The following NETO1 variants were observed in gnomAD, a reference collection of about 807,000 sequenced individuals.
NETO1 encodes neuropilin and tolloid like 1, also known as neuropilin and tolloid-like protein 1.
Under a neutral mutation model 61.3 loss-of-function variants are expected in NETO1, and 26 were observed. The observed-to-expected ratio is 0.42, with a 90% CI of 0.31 to 0.59. The LOEUF is 0.59. Ranked by LOEUF, NETO1 falls within the 20% of genes least tolerant of loss-of-function variation. NETO1 has a pLI of 0.12. For synonymous variants in NETO1, 225 were observed against 225.8 expected (o/e 1.00, Z 0.03); for missense variants, 531 against 662.8 (o/e 0.80, Z 2.18).
downstream of NETO1, among the ~76,000 whole-genome samples, chr18:72,743,423 T>C (rs988683172): frequency 2.6e-5 from 4 of 152,210 alleles, no homozygotes; most frequent in Non-Finnish European, 5.9e-5. Context: ...ACAAACTTCT[T>C]CATTATAAAG....
chr18:72,759,119 C>T lies in NETO1; in HGVS notation c.869-2972G>A, dbSNP rs565230674. On this transcript the variant is annotated intron_variant, in intron 7 of 10. Transcript: ENST00000327305. ...GCTCTTTCGACGACTTGCGTGCACT[C>T]GGTGCACCAATGTGTGTAGCCCATT... Among the ~76,000 whole-genome samples, 5 of 152,242 alleles carry T rather than the reference C, an allele frequency of 3.3e-5. No individual in the cohort carries two copies. In the South Asian group the frequency reaches 1.0e-3, roughly 32 times the overall value.
chr18:72,750,457 T>C lies in NETO1; in HGVS notation c.1146A>G (p.Thr382=), dbSNP rs1424173642. ...GAGGTTCAAATACCTCCTGGAAAAC[T>C]GTCTGGTCAAAGTCTGATTTCCTTT... is the stretch of plus-strand genomic sequence containing the variant. The part of the protein sequence containing the change: ...YVQRKSDFDQ[T]VFQEVFEPPH... The change falls in exon 9 of 11, where the codon ACA becomes ACG. Residue 382 remains threonine, a synonymous_variant. Coordinates refer to ENST00000327305, the MANE Select transcript of NETO1 (RefSeq NM_138966.5). 9.3e-6 allele frequency: 15 copies of C among 1,614,020 alleles called. No individual in the cohort carries two copies. Among genetic ancestry groups the C allele is most frequent in the Non-Finnish European group, 1.2e-5 (14 of 1,180,012 alleles).
chr18:72,848,088 C>T (rs2074142807), intron 4 of NETO1, among the ~76,000 whole-genome samples: 1 of 152,182 alleles, frequency 6.6e-6, no homozygotes, highest in African/African-American at 2.4e-5. Context: ...ATATTGAAGG[C>T]TGCCTATATT....
chr18:72,756,298 C>T lies in NETO1; in HGVS notation c.869-151G>A, dbSNP rs1047511006. ...GCCGTGCGATTTTCAGAAACGGTGC[C>T]GTAGTGGTAATTATTTCTTGTGTTA... On this transcript the variant is annotated intron_variant, in intron 7 of 10. Transcript: ENST00000327305. 4.8e-5 allele frequency: 25 copies of T among 525,620 alleles called. 1 individual carries two copies. The highest frequency in any genetic ancestry group is 5.1e-4 in the Middle Eastern group (1 of 1,966). 32.6% of individuals were successfully genotyped at this position (525,620 alleles called of 1,614,324 possible). A position where few individuals can be genotyped will look rare whatever the true frequency, so the allele number is the denominator to read the frequency against.
chr18:72,814,562 C>A (rs9960050), intron 4 of NETO1, among the ~76,000 whole-genome samples: 129,265 of 152,014 alleles, frequency 0.85, 57,503 homozygotes, highest in Non-Finnish European at 0.99. Context: ...TAAACACAAT[C>A]TTAAGTAACA....
At position 72,750,257 on chromosome 18, in the gene NETO1, G is replaced by A. The variant is rs2070550312; in HGVS notation, c.1346C>T (p.Thr449Ile). The change falls in exon 9 of 11, where the codon ACA (threonine) becomes ATA (isoleucine). Residue 449 changes from threonine to isoleucine, a missense_variant. Physicochemically the swap from Thr to Ile is moderately conservative, Grantham distance 89. Transcript: ENST00000327305. ...STKGSRSNLS[T>I]RDASILTEMP... ...CTCTGTCAAGATAGAAGCATCTCTTGTGCTGAGGTTACTGCGGCTGCCTTT... is the reference window on the plus strand; with the variant it reads ...CTCTGTCAAGATAGAAGCATCTCTTATGCTGAGGTTACTGCGGCTGCCTTT... 1 of 1,614,104 alleles carries A rather than the reference G, an allele frequency of 6.2e-7. No individual in the cohort carries two copies. Among genetic ancestry groups the A allele is most frequent in the African/African-American group, 1.3e-5 (1 of 75,040 alleles).
At position 72,809,210 on chromosome 18, in the gene NETO1, C is replaced by A. The variant is rs375126239; in HGVS notation, c.470-14806G>T. On this transcript the variant is annotated intron_variant, in intron 4 of 10. Transcript: ENST00000327305. Reference sequence around the variant, plus strand: ...CGCAGATAGGTAGAAATTAAAAAGGCAAAAAAATATATGCCAGACAAGCAA... The same window carrying A: ...CGCAGATAGGTAGAAATTAAAAAGGAAAAAAAATATATGCCAGACAAGCAA... Among the ~76,000 whole-genome samples, 13 of 151,550 alleles carry A rather than the reference C, an allele frequency of 8.6e-5. No individual in the cohort carries two copies. In the East Asian group the frequency reaches 1.4e-3, roughly 16 times the overall value.
intron 4 of NETO1, among the ~76,000 whole-genome samples, chr18:72,795,423 C>A (rs2072278655): frequency 6.6e-6 from 1 of 152,152 alleles, no homozygotes; most frequent in South Asian, 2.1e-4. Flanking sequence ...GACTATGAGT[C>A]ATTAATGATG....
At chr18:72,827,313 C>T (rs796810089) in intron 4 of NETO1, among the ~76,000 whole-genome samples, 13 of 152,174 alleles carry the variant, frequency 8.5e-5, no homozygotes, top group South Asian at 2.1e-4. Context: ...CTGCCCCTTC[C>T]GTAGTCTCTT....
chr18:72,857,311 C>CA (rs2074437188), intron 4 of NETO1, among the ~76,000 whole-genome samples: 1 of 152,060 alleles, frequency 6.6e-6, no homozygotes, highest in South Asian at 2.1e-4. Flanking sequence ...TCTAAAGAAA[C>CA]AAAAAGCAAA....
intron 4 of NETO1, among the ~76,000 whole-genome samples, chr18:72,806,200 A>G (rs1568214502): frequency 6.6e-6 from 1 of 152,200 alleles, no homozygotes; most frequent in South Asian, 2.1e-4. Context: ...TACAAACCCT[A>G]CAGTTAACAT....
chr18:72,742,334 A>G (rs2070357463), downstream of NETO1: 1 of 152,176 alleles, frequency 6.6e-6, no homozygotes, highest in Non-Finnish European at 1.5e-5. Flanking sequence ...AAAGTCATAT[A>G]TTTTATGGTG....
At chr18:72,845,237 G>A (rs144145192) in intron 4 of NETO1, among the ~76,000 whole-genome samples, 1,836 of 152,254 alleles carry the variant, frequency 0.012, 10 homozygotes, top group Non-Finnish European at 0.019. Context: ...TCATTAGGGA[G>A]AAAAATCCGT....
chr18:72,831,188 T>A (rs1347751314), intron 4 of NETO1, among the ~76,000 whole-genome samples: 2 of 152,154 alleles, frequency 1.3e-5, no homozygotes, highest in Non-Finnish European at 2.9e-5. Flanking sequence ...AGCTGAGCAA[T>A]ACCATCCACA....
At chr18:72,816,106 C>T (rs1471490194) in intron 4 of NETO1, among the ~76,000 whole-genome samples, 2 of 151,982 alleles carry the variant, frequency 1.3e-5, no homozygotes, top group African/African-American at 2.4e-5. Flanking sequence ...TCCTCCACCC[C>T]TCCCCCTGCA....
At chr18:72,775,847 A>G (rs1259885700) in intron 7 of NETO1, among the ~76,000 whole-genome samples, 1 of 151,992 alleles carries the variant, frequency 6.6e-6, no homozygotes, top group Non-Finnish European at 1.5e-5. Flanking sequence ...AACTTCAATG[A>G]ACCCTTTTTT....
At chr18:72,772,817 CTCTCTCTCTATATATATA>C (rs1343305974) in intron 7 of NETO1, among the ~76,000 whole-genome samples, 77 of 54,254 alleles carry the variant, frequency 1.4e-3, no homozygotes, top group Non-Finnish European at 1.9e-3. Context: ...CTCTCTCTCT[CTCTCTCTCTATATATATA>C]TATATATATA....
At chr18:72,805,780 T>C (rs961385421) in intron 4 of NETO1, among the ~76,000 whole-genome samples, 1 of 152,178 alleles carries the variant, frequency 6.6e-6, no homozygotes, top group Middle Eastern at 3.2e-3. Flanking sequence ...TTCTTCCTTC[T>C]CTCTTGATTT....
intron 4 of NETO1, among the ~76,000 whole-genome samples, chr18:72,802,542 G>A (rs1019368453): frequency 1.3e-5 from 2 of 152,214 alleles, no homozygotes; most frequent in African/African-American, 4.8e-5. Flanking sequence ...TGTCAGCATG[G>A]GCCAATGATC....
Sources: allele counts gnomAD v4.1 joint callset (sites outside exome capture counted in the v4.1 genomes callset), GRCh38; gene constraint gnomAD v4.1.1; transcripts MANE v1.5; gene names NCBI Gene and HGNC (gene_info 2026-07-23, HGNC 2026-07-21).